BCAT1: variants seen among roughly 807,000 people sequenced by gnomAD.
BCAT1 encodes the protein branched chain amino acid transaminase 1.
In BCAT1, 48 loss-of-function variants were observed where a neutral mutation model predicts 52.4. That is an observed-to-expected ratio of 0.92 (90% CI 0.73 to 1.16). The LOEUF (loss-of-function observed/expected upper bound fraction) is 1.16, where lower values mean the gene tolerates loss of function less well. Ranked by LOEUF, BCAT1 falls within the 50% of genes most tolerant of loss-of-function variation. The pLI is 0.00. For synonymous variants in BCAT1, 167 were observed against 161.3 expected, an observed-to-expected ratio of 1.04 and a Z score of -0.27; for missense variants, 451 against 457.1, an observed-to-expected ratio of 0.99 and a Z score of 0.12.
intron 3 of BCAT1, among the ~76,000 whole-genome samples, chr12:24,885,238 T>C (rs1408884229): frequency 6.6e-6 from 1 of 152,088 alleles, no homozygotes; most frequent in African/African-American, 2.4e-5. Flanking sequence ...GCTGGCCAGA[T>C]GCAAAATTAT....
intron 1 of BCAT1, among the ~76,000 whole-genome samples, chr12:24,931,181 C>T (rs1241483755): frequency 2.0e-5 from 3 of 152,192 alleles, no homozygotes; most frequent in Admixed American, 2.0e-4. Context: ...GCTGGGATTA[C>T]AGGTGTGAGC....
chr12:24,829,977 G>A, intron 9 of BCAT1, 80 bp from the exon 10 acceptor site: 1 of 1,057,858 alleles, frequency 9.5e-7, no homozygotes, highest in Admixed American at 2.7e-5. Flanking sequence ...AAGCAATTCT[G>A]CTATACTAAG....
At chr12:24,890,420 G>C (rs1297039571) in intron 3 of BCAT1, among the ~76,000 whole-genome samples, 4 of 152,178 alleles carry the variant, frequency 2.6e-5, no homozygotes, top group Non-Finnish European at 4.4e-5. Context: ...GGATGAGATA[G>C]GAGGTCGGCA....
At chr12:24,820,263 T>G (rs934526761) in intron 10 of BCAT1, among the ~76,000 whole-genome samples, 2 of 152,196 alleles carry the variant, frequency 1.3e-5, no homozygotes, top group East Asian at 3.8e-4. Flanking sequence ...TGTAAAATCA[T>G]AGCATTCTGA....
intron 8 of BCAT1, among the ~76,000 whole-genome samples, chr12:24,835,301 T>C (rs1940869429): frequency 6.6e-6 from 1 of 152,206 alleles, no homozygotes; most frequent in Non-Finnish European, 1.5e-5. Flanking sequence ...TTCATCTATT[T>C]TGAAAGTCTT....
intron 7 of BCAT1, among the ~76,000 whole-genome samples, chr12:24,836,898 A>AAAGAGAG (rs1555102837): frequency 2.1e-5 from 1 of 47,258 alleles, no homozygotes; most frequent in African/African-American, 8.1e-5. Flanking sequence ...AGAAAGAAAG[A>AAAGAGAG]AAAGAAAGAG....
chr12:24,928,704 T>TTTGTTGTTGTTGTTGTTG (rs71063374), intron 1 of BCAT1, among the ~76,000 whole-genome samples: 1 of 144,090 alleles, frequency 6.9e-6, no homozygotes, highest in African/African-American at 2.6e-5. Context: ...GTGTGAAATG[T>TTTGTTGTTGTTGTTGTTG]TTGTTGTTGT....
At chr12:24,946,538 GT>G (rs1378299151) in intron 1 of BCAT1, among the ~76,000 whole-genome samples, 1 of 152,158 alleles carries the variant, frequency 6.6e-6, no homozygotes, top group Non-Finnish European at 1.5e-5. Flanking sequence ...GCTAAACATT[GT>G]TTTTTTGTAT....
chr12:24,861,901 C>T (rs184905230), intron 5 of BCAT1, among the ~76,000 whole-genome samples: 1 of 152,318 alleles, frequency 6.6e-6, no homozygotes, highest in East Asian at 1.9e-4. Flanking sequence ...GACCTCTGGT[C>T]ATCCTCACAG....
intron 1 of BCAT1, among the ~76,000 whole-genome samples, chr12:24,940,991 CA>C (rs1486145876): frequency 6.6e-6 from 1 of 152,152 alleles, no homozygotes; most frequent in Non-Finnish European, 1.5e-5. Flanking sequence ...GCATTGTTTG[CA>C]ACAAAGAAAA....
intron 9 of BCAT1, among the ~76,000 whole-genome samples, 160 bp from the exon 10 acceptor site, chr12:24,830,057 G>A (rs1354512942): frequency 1.3e-5 from 2 of 152,204 alleles, no homozygotes; most frequent in African/African-American, 4.8e-5. Context: ...TTATGCCAAA[G>A]ACTTTCATAT....
chr12:24,856,382 G>A (rs1941683384), intron 5 of BCAT1, among the ~76,000 whole-genome samples: 1 of 152,050 alleles, frequency 6.6e-6, no homozygotes, highest in African/African-American at 2.4e-5. Context: ...CTCCTATTAT[G>A]GGTTGAATTG....
At chr12:24,894,129 T>C (rs2270771) in intron 3 of BCAT1, 146 bp downstream of exon 3, 90,737 of 683,294 alleles carry the variant, frequency 0.13, 6,348 homozygotes, top group East Asian at 0.18. Flanking sequence ...CAACTGTCTA[T>C]AGGAAAACTT....
chr12:24,933,237 G>A lies in BCAT1; in HGVS notation c.6+15690C>T, dbSNP rs73063678. Among the ~76,000 whole-genome samples the A allele has an allele frequency of 4.5e-4, 66 of 147,636 alleles. No individual in the cohort carries two copies. In the South Asian group the frequency reaches 5.8e-3, roughly 13 times the overall value. On this transcript the variant is annotated intron_variant, in intron 1 of 10. Transcript: ENST00000261192. The stretch of plus-strand genomic sequence containing the variant: ...TCGGGCCTCAGCCTCCCAATGTGCC[G>A]AGATTACAGGTGTGCACCACTGTGC...
chr12:24,859,905 A>G (rs1208502940), intron 5 of BCAT1, among the ~76,000 whole-genome samples: 2 of 152,172 alleles, frequency 1.3e-5, no homozygotes, highest in Non-Finnish European at 2.9e-5. Flanking sequence ...AATGGTGTTT[A>G]GCTTTCTTTG....
chr12:24,908,331 A>G (rs1037112862), intron 1 of BCAT1, among the ~76,000 whole-genome samples: 1 of 152,250 alleles, frequency 6.6e-6, no homozygotes, highest in Non-Finnish European at 1.5e-5. Flanking sequence ...GAAACGTTCT[A>G]TATCTGCCAG....
intron 5 of BCAT1, among the ~76,000 whole-genome samples, chr12:24,861,107 T>C (rs1029089140): frequency 1.3e-5 from 2 of 152,250 alleles, no homozygotes; most frequent in African/African-American, 2.4e-5. Context: ...TCAGAAACTA[T>C]GGTATACTTG....
intron 1 of BCAT1, among the ~76,000 whole-genome samples, chr12:24,923,570 C>A (rs1173193872): frequency 6.6e-6 from 1 of 152,154 alleles, no homozygotes; most frequent in Admixed American, 6.6e-5. Flanking sequence ...CCATGCCTGG[C>A]TAATTTTTTG....
At position 24,918,574 on chromosome 12, in the gene BCAT1, A is replaced by G. The variant is rs867045780; in HGVS notation, c.7-16689T>C. Among the ~76,000 whole-genome samples, 17 of 152,310 alleles carry G rather than the reference A, an allele frequency of 1.1e-4. No homozygotes were observed. In the South Asian group the frequency reaches 1.9e-3, roughly 17 times the overall value. On this transcript the variant is annotated intron_variant, in intron 1 of 10. Transcript: ENST00000261192. Reference sequence around the variant, plus strand: ...GGGTCCTATTTATTATTAATAATATATGTTAATGTATTATAGTATTATGTT... The same window carrying G: ...GGGTCCTATTTATTATTAATAATATGTGTTAATGTATTATAGTATTATGTT...
Sources: gnomAD v4.1 joint callset for allele counts (sites outside exome capture counted in the v4.1 genomes callset) on GRCh38, gnomAD v4.1.1 for gene constraint, MANE v1.5 for transcripts, NCBI Gene and HGNC (gene_info 2026-07-23, HGNC 2026-07-21) for gene names.